Variants in SLC38A8 observed in about 807,000 individuals in gnomAD.
SLC38A8 encodes the protein solute carrier family 38 member 8.
A neutral mutation model predicts 46.0 loss-of-function variants in SLC38A8; 65 were observed. That is an observed-to-expected ratio of 1.41 (90% CI 1.16 to 1.74). SLC38A8 has a LOEUF of 1.74. Ranked by LOEUF, SLC38A8 falls within the 40% of genes most tolerant of loss-of-function variation. The pLI, the probability that SLC38A8 is intolerant of heterozygous loss-of-function variation, is 0.00. For synonymous variants in SLC38A8, 447 were observed against 243.7 expected, an observed-to-expected ratio of 1.83 and a Z score of -7.77; for missense variants, 998 against 567.9, an observed-to-expected ratio of 1.76 and a Z score of -7.70.
At chr16:84,015,836 G>A (rs2151113647) in intron 9 of SLC38A8, among the ~76,000 whole-genome samples, 1 of 152,310 alleles carries the variant, frequency 6.6e-6, no homozygotes, top group African/African-American at 2.4e-5. Context: ...CTCCTGAGTA[G>A]CTGTGATTAC....
intron 6 of SLC38A8, 80 bp from the exon 7 acceptor site, chr16:84,022,969 G>A (rs2085113449): frequency 3.0e-6 from 3 of 1,009,552 alleles, no homozygotes; most frequent in Non-Finnish European, 4.3e-6. Context: ...TATCCAAAAG[G>A]CGGGAAATGT....
intron 9 of SLC38A8, among the ~76,000 whole-genome samples, chr16:84,014,699 C>T (rs1182866564): frequency 1.3e-5 from 2 of 152,222 alleles, no homozygotes; most frequent in Non-Finnish European, 2.9e-5. Context: ...CTCTTAATCC[C>T]AGTAGACCCC....
intron 6 of SLC38A8, among the ~76,000 whole-genome samples, chr16:84,025,292 G>T (rs1445015060): frequency 6.6e-6 from 1 of 152,104 alleles, no homozygotes; most frequent in Non-Finnish European, 1.5e-5. Flanking sequence ...CGCCCTGTAG[G>T]GACCCTACGC....
At chr16:84,019,022 G>T (rs944152492) in intron 7 of SLC38A8, among the ~76,000 whole-genome samples, 1 of 152,080 alleles carries the variant, frequency 6.6e-6, no homozygotes, top group Non-Finnish European at 1.5e-5. Context: ...TTTATGGCTT[G>T]ATGCCTGCAG....
intron 2 of SLC38A8, among the ~76,000 whole-genome samples, chr16:84,039,765 A>AG (rs2085347129): frequency 1.3e-5 from 1 of 75,438 alleles, no homozygotes. Context: ...AAAAAAAAAA[A>AG]AAAGGCAGGG....
At chr16:84,042,414 C>G (rs935974601) in intron 1 of SLC38A8, 137 bp downstream of exon 1, 20 of 373,974 alleles carry the variant, frequency 5.3e-5, no homozygotes, top group Non-Finnish European at 9.6e-5. Context: ...GCAACCTCAC[C>G]CCTTCCCCCT....
intron 9 of SLC38A8, among the ~76,000 whole-genome samples, chr16:84,015,577 C>G (rs377284049): frequency 2.6e-5 from 4 of 152,032 alleles, no homozygotes; most frequent in Non-Finnish European, 5.9e-5. Flanking sequence ...GTGCCCCCGG[C>G]GGGGGTTCAG....
rs759542214 is a variant in SLC38A8 at position 84,042,101 on chromosome 16, C to T, written c.57G>A (p.Thr19=). The part of the protein sequence containing the change: ...RGLPEKPHPA[T]AAATLSSMGA... ...CCATCGAGGACAGAGTGGCAGCAGC[C>T]GTGGCAGGGTGAGGCTTTTCTGGAA... The change falls in exon 2 of 11, where the codon ACG becomes ACA. Residue 19 remains threonine (T), a synonymous_variant. Transcript: ENST00000299709. 14 of 1,613,984 alleles carry T rather than the reference C, an allele frequency of 8.7e-6. No individual in the cohort carries two copies. The South Asian group carries it at 1.2e-4, about 14-fold the overall frequency.
rs1266252190 is a variant in SLC38A8 at position 84,029,528 on chromosome 16, AAC to A, written c.654_655del (p.Phe219GlnfsTer64). 6.2e-7 allele frequency: 1 copy of A among 1,614,054 alleles called. No homozygotes were observed. The highest frequency in any genetic ancestry group is 1.7e-5 in the Admixed American group (1 of 60,008). On this transcript the variant is annotated frameshift_variant, in exon 6 of 11. Transcript: ENST00000299709. LOFTEE classifies it high-confidence loss of function. ...GAAGCAGATGGTGGGGAAGACACTG[AAC>A]ACAGAGGTCCAGGAGGCAGGGCTGT...
Position 84,033,312 on chromosome 16 carries a change from G to C in SLC38A8, c.530+16C>G. ...GCAAGGTGGGGGCCCCCACCAGGCA[G>C]CATCCCAGCCCTTACCTTGTGTATT... On this transcript the variant is annotated intron_variant, in intron 4 of 10. Transcript: ENST00000299709. 4 of 1,613,814 alleles carry C rather than the reference G, an allele frequency of 2.5e-6. No individual in the cohort carries two copies. Among genetic ancestry groups the C allele is most frequent in the Non-Finnish European group, 3.4e-6 (4 of 1,179,878 alleles).
intron 6 of SLC38A8, among the ~76,000 whole-genome samples, chr16:84,025,158 A>ATGC (rs34362384): frequency 0.56 from 85,525 of 151,674 alleles, 24,503 homozygotes; most frequent in East Asian, 0.67. Context: ...CCGGGCGGGG[A>ATGC]TGCTTTTTCC....
intron 3 of SLC38A8, among the ~76,000 whole-genome samples, chr16:84,033,915 CAT>C (rs2085274282): frequency 6.6e-6 from 1 of 151,612 alleles, no homozygotes; most frequent in Admixed American, 6.5e-5. Context: ...CAGCAGAACA[CAT>C]GACCCCAAAT....
In SLC38A8 at chr16:84,028,045, A is replaced by ATT. The variant is rs11297375; in HGVS notation, c.690+1447_690+1448dup. ...GGAAGAGAAATGGAAATGTTTCAAG[A>ATT]TTTTTTTTTTTTTTTTCCTAAAAAG... On this transcript the variant is annotated intron_variant, in intron 6 of 10. Transcript: ENST00000299709. 5.5e-5 allele frequency among the ~76,000 whole-genome samples: 8 copies of ATT among 145,462 alleles called. No homozygotes were observed. In the East Asian group the frequency reaches 1.0e-3, roughly 18 times the overall value.
chr16:84,017,487 G>C (rs916193442), intron 7 of SLC38A8, among the ~76,000 whole-genome samples, 200 bp from the exon 8 acceptor site: 2 of 152,190 alleles, frequency 1.3e-5, no homozygotes, highest in African/African-American at 4.8e-5. Flanking sequence ...GACCCCTGCA[G>C]ACAAATCCGC....
chr16:84,033,381 C>G lies in SLC38A8; in HGVS notation c.477G>C (p.Leu159=), dbSNP rs1156950323. ...GCGGGGCAGACAGGGGCAGGATGAC[C>G]AGCACGGAGAGCAGGGGCAGGGTGA... is the stretch of plus-strand genomic sequence containing the variant. ...QRFTLPLLSV[L]VILPLSAPRE... Residue 159 remains leucine, a synonymous_variant, in exon 4 of 11, where the codon CTG becomes CTC. Transcript: ENST00000299709. The G allele has an allele frequency of 3.1e-6, 5 of 1,614,034 alleles. No homozygotes were observed. Among genetic ancestry groups the G allele is most frequent in the Non-Finnish European group, 4.2e-6 (5 of 1,179,980 alleles).
chr16:84,040,657 C>T (rs2085356934), intron 2 of SLC38A8, among the ~76,000 whole-genome samples: 1 of 152,226 alleles, frequency 6.6e-6, no homozygotes, highest in Non-Finnish European at 1.5e-5. Context: ...CAAACGCAGG[C>T]GTGCTGCCCC....
intron 8 of SLC38A8, 23 bp downstream of exon 8, chr16:84,017,117 C>T (rs765871824): frequency 6.2e-7 from 1 of 1,612,466 alleles, no homozygotes; most frequent in East Asian, 2.2e-5. Context: ...CTTCACGGTG[C>T]CCCCCACTGA....
intron 6 of SLC38A8, 134 bp downstream of exon 6, chr16:84,029,344 AACCACAGGTGGGCGGC>A: frequency 1.4e-6 from 1 of 716,822 alleles, no homozygotes; most frequent in South Asian, 1.9e-5. Flanking sequence ...ACAGCCTGGG[AACCACAGGTGGGCGGC>A]ACAGAGCCCA....
chr16:84,035,320 T>C (rs772789742), intron 3 of SLC38A8, among the ~76,000 whole-genome samples: 1 of 152,182 alleles, frequency 6.6e-6, no homozygotes, highest in African/African-American at 2.4e-5. Flanking sequence ...TAAGGTCGTG[T>C]TTACCAAGAC....
Sources: gnomAD v4.1 joint callset for allele counts (sites outside exome capture counted in the v4.1 genomes callset) on GRCh38, gnomAD v4.1.1 for gene constraint, MANE v1.5 for transcripts, NCBI Gene and HGNC (gene_info 2026-07-23, HGNC 2026-07-21) for gene names.